PCDH15: variants seen among roughly 807,000 people sequenced by gnomAD.
PCDH15 encodes protocadherin-15.
PCDH15 carries 129 observed loss-of-function variants against 178.5 expected under a neutral mutation model. The ratio of observed to expected loss-of-function variants is 0.72; its 90% CI spans 0.63 to 0.84. The LOEUF is 0.84. Among genes scored for constraint, PCDH15 ranks in the 40% least tolerant of loss-of-function variants. The pLI, the probability that PCDH15 is intolerant of heterozygous loss-of-function variation, is 0.00. For missense variants in PCDH15, 2,230 were observed against 2,099.9 expected (o/e 1.06, Z -1.21); for synonymous variants, 800 against 732.0 (o/e 1.09, Z -1.50).
chr10:54,308,699 A>G (rs2060704766), intron 8 of PCDH15, among the ~76,000 whole-genome samples: 1 of 152,048 alleles, frequency 6.6e-6, no homozygotes, highest in African/African-American at 2.4e-5. Flanking sequence ...TTTGTAACAT[A>G]GGTATACACA....
intron 2 of PCDH15, among the ~76,000 whole-genome samples, chr10:54,609,151 A>G (rs1352136365): frequency 6.6e-6 from 1 of 152,120 alleles, no homozygotes; most frequent in African/African-American, 2.4e-5. Context: ...GGAAAATATA[A>G]ATGAGCACTA....
intron 3 of PCDH15, among the ~76,000 whole-genome samples, chr10:54,428,315 C>G (rs7091705): frequency 0.2 from 30,720 of 152,150 alleles, 3,827 homozygotes; most frequent in African/African-American, 0.35. Flanking sequence ...CTGAAAGATG[C>G]CCAGTAGGAC....
At chr10:54,817,139 T>A (rs1234369963) in intron 3 of PCDH15, among the ~76,000 whole-genome samples, 5 of 151,918 alleles carry the variant, frequency 3.3e-5, no homozygotes, top group Non-Finnish European at 7.4e-5. Context: ...TAATCTAACA[T>A]TATATATGTA....
At chr10:55,086,610 G>A (rs1842175585) in intron 2 of PCDH15, among the ~76,000 whole-genome samples, 1 of 151,992 alleles carries the variant, frequency 6.6e-6, no homozygotes, top group Non-Finnish European at 1.5e-5. Context: ...CCAAAGGAAA[G>A]AGCAATGAGA....
intron 2 of PCDH15, among the ~76,000 whole-genome samples, chr10:55,360,046 C>T (rs1845191012): frequency 1.3e-5 from 2 of 151,860 alleles, no homozygotes; most frequent in South Asian, 4.2e-4. Flanking sequence ...TTAGGAAGAA[C>T]AAGTTCTAGA....
intron 2 of PCDH15, among the ~76,000 whole-genome samples, chr10:54,632,352 T>C (rs1389236353): frequency 6.6e-6 from 1 of 152,072 alleles, no homozygotes; most frequent in Non-Finnish European, 1.5e-5. Context: ...ATCTAAGTGA[T>C]GGGATCAATC....
At chr10:53,821,147 C>T in intron 32 of PCDH15, 1 of 977,078 alleles carries the variant, frequency 1.0e-6, no homozygotes, top group Non-Finnish European at 1.2e-6. Flanking sequence ...AGGGAAAGCA[C>T]AATGAGAAAT....
intron 15 of PCDH15, among the ~76,000 whole-genome samples, chr10:54,109,216 C>A (rs1299206977): frequency 6.6e-6 from 1 of 152,126 alleles, no homozygotes; most frequent in Non-Finnish European, 1.5e-5. Context: ...ATCATATGAT[C>A]CAGAAATCTC....
intron 25 of PCDH15, among the ~76,000 whole-genome samples, chr10:53,922,281 G>A (rs921428975): frequency 4.0e-5 from 6 of 151,538 alleles, no homozygotes; most frequent in Admixed American, 6.6e-5. Context: ...TGTGTGGTTC[G>A]AACATATCAC....
intron 35 of PCDH15, among the ~76,000 whole-genome samples, 153 bp downstream of exon 35, chr10:53,816,085 CT>C (rs536891694): frequency 6.6e-6 from 1 of 151,814 alleles, no homozygotes; most frequent in African/African-American, 2.4e-5. Flanking sequence ...TTCTTGGTTT[CT>C]TTTTTTTGAA....
At chr10:53,853,998 G>A (rs118019982) in intron 28 of PCDH15, among the ~76,000 whole-genome samples, 9 of 151,944 alleles carry the variant, frequency 5.9e-5, no homozygotes, top group Non-Finnish European at 1.3e-4. Flanking sequence ...TATCCAAGAG[G>A]GGGAAACAAC....
At chr10:55,425,760 A>C (rs896629419) in intron 2 of PCDH15, among the ~76,000 whole-genome samples, 3 of 152,198 alleles carry the variant, frequency 2.0e-5, no homozygotes, top group Non-Finnish European at 4.4e-5. Context: ...ATCTGATTGA[A>C]TGTTTGTCTT....
intron 2 of PCDH15, chr10:54,606,444 T>C (rs937006074): frequency 1.3e-5 from 2 of 152,102 alleles, no homozygotes; most frequent in Non-Finnish European, 2.9e-5. Context: ...TTTTGAGATA[T>C]ATGAGAATGA....
intron 2 of PCDH15, among the ~76,000 whole-genome samples, chr10:55,398,349 A>C (rs1837979467): frequency 6.6e-6 from 1 of 152,148 alleles, no homozygotes; most frequent in South Asian, 2.1e-4. Context: ...AAGCCCCTAC[A>C]GATGTGGGGT....
chr10:55,155,952 A>G (rs1838876019), intron 2 of PCDH15, among the ~76,000 whole-genome samples: 1 of 152,142 alleles, frequency 6.6e-6, no homozygotes, highest in African/African-American at 2.4e-5. Context: ...TCAGCAGTCA[A>G]CAAAGCCAGA....
intron 8 of PCDH15, among the ~76,000 whole-genome samples, chr10:54,269,677 C>T (rs924681202): frequency 1.3e-5 from 2 of 151,822 alleles, no homozygotes; most frequent in African/African-American, 4.8e-5. Flanking sequence ...GATTAAAGAC[C>T]CATAACAATT....
chr10:54,466,553 A>G (rs538663493), intron 3 of PCDH15, among the ~76,000 whole-genome samples: 2 of 152,066 alleles, frequency 1.3e-5, no homozygotes, highest in East Asian at 3.9e-4. Flanking sequence ...TTTTTGTATC[A>G]ACATTATGCT....
intron 26 of PCDH15, among the ~76,000 whole-genome samples, chr10:53,899,001 T>G (rs1420912306): frequency 1.3e-5 from 2 of 152,130 alleles, no homozygotes; most frequent in East Asian, 1.9e-4. Flanking sequence ...ACAGAATAAT[T>G]TAAAACTCAC....
Position 54,203,413 on chromosome 10 carries a change from A to C in PCDH15, c.1099-7524T>G, listed in dbSNP as rs756503138. On this transcript the variant is annotated intron_variant, in intron 10 of 37. Coordinates refer to ENST00000644397, the MANE Select transcript of PCDH15 (RefSeq NM_001384140.1). ...GCCTGTGTATACACAGTATCAATATAGTTTTGGGTGTAAGCCACCACTTTT... is the reference window on the plus strand; with the variant it reads ...GCCTGTGTATACACAGTATCAATATCGTTTTGGGTGTAAGCCACCACTTTT... 1.3e-4 allele frequency among the ~76,000 whole-genome samples: 20 copies of C among 152,282 alleles called. No individual in the cohort carries two copies. In the Middle Eastern group the frequency reaches 0.01, roughly 78 times the overall value.
Sources: allele counts gnomAD v4.1 joint callset (sites outside exome capture counted in the v4.1 genomes callset), GRCh38; gene constraint gnomAD v4.1.1; transcripts MANE v1.5; gene names NCBI Gene and HGNC (gene_info 2026-07-23, HGNC 2026-07-21).